Variants in TMEM132B observed in about 807,000 individuals in gnomAD.
TMEM132B encodes the protein transmembrane protein 132B.
Under a neutral mutation model 90.8 loss-of-function variants are expected in TMEM132B, and 18 were observed. The observed-to-expected ratio is 0.20, with a 90% confidence interval of 0.14 to 0.29. The LOEUF (loss-of-function observed/expected upper bound fraction) is 0.29. TMEM132B is among the 10% of genes least tolerant of loss of function. TMEM132B has a pLI of 1.00. For missense variants in TMEM132B, 1,096 were observed against 1,326.8 expected, an observed-to-expected ratio of 0.83 and a Z score of 2.70; for synonymous variants, 504 against 523.3, an observed-to-expected ratio of 0.96 and a Z score of 0.50.
intron 5 of TMEM132B, among the ~76,000 whole-genome samples, chr12:125,621,477 G>C (rs558231753): frequency 6.6e-6 from 1 of 152,214 alleles, no homozygotes; most frequent in African/African-American, 2.4e-5. Flanking sequence ...ATGGAGATTT[G>C]AAGACCATCA....
chr12:125,455,375 C>CTA (rs1274898057), intron 3 of TMEM132B, among the ~76,000 whole-genome samples: 1 of 152,196 alleles, frequency 6.6e-6, no homozygotes, highest in African/African-American at 2.4e-5. Flanking sequence ...GTGGGAATCA[C>CTA]AGCCTGTGCT....
chr12:125,350,385 T>C (rs760368317), intron 2 of TMEM132B, 42 bp downstream of exon 2: 2 of 1,546,778 alleles, frequency 1.3e-6, no homozygotes, highest in Admixed American at 4.0e-5. Context: ...AAGCCAACTC[T>C]TAGTAATCAA....
chr12:125,302,415 C>A (rs1875854389), intron 1 of TMEM132B, among the ~76,000 whole-genome samples: 1 of 151,634 alleles, frequency 6.6e-6, no homozygotes, highest in African/African-American at 2.4e-5. Flanking sequence ...GTCCAGTGAG[C>A]CCAGGTGGAA....
intron 6 of TMEM132B, 54 bp from the exon 7 acceptor site, chr12:125,650,629 G>A: frequency 6.3e-7 from 1 of 1,577,544 alleles, no homozygotes. Context: ...ACAAGGGCAT[G>A]CAGAACTTCT....
chr12:125,289,728 A>G (rs1475055794), intron 1 of TMEM132B, among the ~76,000 whole-genome samples: 1 of 152,250 alleles, frequency 6.6e-6, no homozygotes, highest in Non-Finnish European at 1.5e-5. Flanking sequence ...TGAGGCACAG[A>G]GACATCAAGT....
rs752253408 is a variant in TMEM132B at position 125,350,131 on chromosome 12, G to C, written c.747G>C (p.Ser249=). The C allele has an allele frequency of 1.2e-6, 2 of 1,614,218 alleles. No individual in the cohort carries two copies. Among genetic ancestry groups the C allele is most frequent in the Non-Finnish European group, 1.7e-6 (2 of 1,180,030 alleles). The change falls in exon 2 of 9, where the codon TCG becomes TCC. Residue 249 remains serine (S), a synonymous_variant. Transcript: ENST00000682704. ...GCAAGTGGGAGAACAATATCCACTC[G>C]GGCCTGGAGAGCCCCCAGCAAGCGT... is the stretch of plus-strand genomic sequence containing the variant. The part of the protein sequence containing the change: ...EEGKWENNIH[S]GLESPQQAFP...
chr12:125,232,227 C>T (rs1343371605), intron 1 of TMEM132B, among the ~76,000 whole-genome samples: 1 of 152,064 alleles, frequency 6.6e-6, no homozygotes. Flanking sequence ...CTGATGTGAA[C>T]ATCTTTGCCT....
chr12:125,387,796 T>TATCCATCCATCC (rs34127585), intron 2 of TMEM132B, among the ~76,000 whole-genome samples: 8 of 152,294 alleles, frequency 5.3e-5, no homozygotes, highest in African/African-American at 1.7e-4. Context: ...ATTTATCCGT[T>TATCCATCCATCC]ATCCATCCAT....
chr12:125,306,226 T>C, intron 1 of TMEM132B, among the ~76,000 whole-genome samples: 1 of 152,188 alleles, frequency 6.6e-6, no homozygotes, highest in South Asian at 2.1e-4. Flanking sequence ...TTACGACAAA[T>C]GTGGGAAATA....
intron 3 of TMEM132B, among the ~76,000 whole-genome samples, chr12:125,455,701 T>C (rs1881273836): frequency 6.6e-6 from 1 of 152,006 alleles, no homozygotes; most frequent in African/African-American, 2.4e-5. Context: ...TCTGAAGGTA[T>C]GTGTAATCAC....
At chr12:125,651,540 T>C (rs1203972512) in intron 7 of TMEM132B, among the ~76,000 whole-genome samples, 1 of 152,368 alleles carries the variant, frequency 6.6e-6, no homozygotes, top group East Asian at 1.9e-4. Flanking sequence ...CAGATTTTAT[T>C]GTAGCCAAAG....
chr12:125,409,181 C>T (rs1213053383), intron 2 of TMEM132B, among the ~76,000 whole-genome samples: 3 of 152,168 alleles, frequency 2.0e-5, no homozygotes, highest in African/African-American at 7.2e-5. Context: ...TGAAAGTCCA[C>T]TCTTTGGAGA....
intron 1 of TMEM132B, among the ~76,000 whole-genome samples, chr12:125,217,471 G>T (rs1168979721): frequency 6.6e-6 from 1 of 152,206 alleles, no homozygotes; most frequent in Non-Finnish European, 1.5e-5. Context: ...TTTTGAGACA[G>T]GGTCTTGCTC....
intron 3 of TMEM132B, among the ~76,000 whole-genome samples, chr12:125,513,491 A>G (rs1156924725): frequency 6.6e-6 from 1 of 152,204 alleles, no homozygotes; most frequent in African/African-American, 2.4e-5. Flanking sequence ...TGAGAACAGA[A>G]TTTTAACTGG....
intron 1 of TMEM132B, among the ~76,000 whole-genome samples, chr12:125,195,020 G>T (rs1872893903): frequency 6.6e-6 from 1 of 152,118 alleles, no homozygotes; most frequent in Admixed American, 6.5e-5. Flanking sequence ...TGGGAATTCT[G>T]GGCAGTGTTG....
At chr12:125,241,555 T>G (rs1284555841) in intron 1 of TMEM132B, among the ~76,000 whole-genome samples, 1 of 152,198 alleles carries the variant, frequency 6.6e-6, no homozygotes, top group Non-Finnish European at 1.5e-5. Flanking sequence ...CTCTTTCCTC[T>G]CACTCTCCTT....
intron 3 of TMEM132B, among the ~76,000 whole-genome samples, chr12:125,432,728 G>C (rs1184689507): frequency 6.6e-6 from 1 of 151,872 alleles, no homozygotes. Flanking sequence ...GCATTAAAAA[G>C]CATGAAAACT....
intron 1 of TMEM132B, among the ~76,000 whole-genome samples, chr12:125,292,646 G>C (rs1875571964): frequency 6.6e-6 from 1 of 152,214 alleles, no homozygotes; most frequent in Non-Finnish European, 1.5e-5. Context: ...TTAGGACTTG[G>C]TCTCTCTCCA....
At chr12:125,478,560 A>G (rs1881953278) in intron 3 of TMEM132B, among the ~76,000 whole-genome samples, 1 of 152,226 alleles carries the variant, frequency 6.6e-6, no homozygotes, top group South Asian at 2.1e-4. Context: ...AAGTTTAGAG[A>G]AAAAAGAGTA....
Sources: gnomAD v4.1 joint callset for allele counts (sites outside exome capture counted in the v4.1 genomes callset) on GRCh38, gnomAD v4.1.1 for gene constraint, MANE v1.5 for transcripts, NCBI Gene and HGNC (gene_info 2026-07-23, HGNC 2026-07-21) for gene names.